Variants in LY75 observed in about 807,000 individuals in gnomAD.
The protein encoded by LY75 is lymphocyte antigen 75, also known as C-type lectin domain family 13 member B.
In LY75, 185 loss-of-function variants were observed where a neutral mutation model predicts 231.7. The ratio of observed to expected loss-of-function variants is 0.80; its 90% CI spans 0.71 to 0.90. The LOEUF (loss-of-function observed/expected upper bound fraction) is 0.90, where lower values mean the gene tolerates loss of function less well. Ranked by LOEUF, LY75 falls within the 40% of genes least tolerant of loss-of-function variation. LY75 has a pLI of 0.00. For missense variants in LY75, 1,947 were observed against 2,050.2 expected, an observed-to-expected ratio of 0.95 and a Z score of 0.97; for synonymous variants, 668 against 689.0, an observed-to-expected ratio of 0.97 and a Z score of 0.48.
At chr2:159,832,756 G>A (rs1203559047) in intron 27 of LY75, among the ~76,000 whole-genome samples, 1 of 152,048 alleles carries the variant, frequency 6.6e-6, no homozygotes, top group Non-Finnish European at 1.5e-5. Flanking sequence ...TTTCTTTTTT[G>A]TTGGTTATTT....
intron 28 of LY75, among the ~76,000 whole-genome samples, chr2:159,827,013 G>A (rs2955982): frequency 0.8 from 121,748 of 152,116 alleles, 48,895 homozygotes; most frequent in East Asian, 0.9. Context: ...ATCCTAGAAG[G>A]AAACCTGGGC....
At chr2:159,851,593 T>C (rs1282987492) in intron 21 of LY75, among the ~76,000 whole-genome samples, 1 of 152,226 alleles carries the variant, frequency 6.6e-6, no homozygotes, top group Non-Finnish European at 1.5e-5. Flanking sequence ...AGAATAAATC[T>C]TTTCTCATAC....
Position 159,885,236 on chromosome 2 carries a change from G to A in LY75, c.971C>T (p.Ser324Phe), listed in dbSNP as rs774007010. The A allele has an allele frequency of 3.7e-6, 6 of 1,613,718 alleles. No homozygotes were observed. Among genetic ancestry groups the A allele is most frequent in the Non-Finnish European group, 5.1e-6 (6 of 1,179,718 alleles). ...GSSCARMDAESGLWQSFSCEA... is the reference protein window; with the variant it reads ...GSSCARMDAEFGLWQSFSCEA... Reference sequence around the variant, plus strand: ...ACAGGAAAAGCTCTGCCACAGACCAGACTCAGCATCCATTCTTGCACAGCT... The same window carrying A: ...ACAGGAAAAGCTCTGCCACAGACCAAACTCAGCATCCATTCTTGCACAGCT... The change falls in exon 6 of 35, where the codon TCT becomes TTT. Residue 324 changes from serine (S) to phenylalanine (F), a missense_variant. Transcript: ENST00000263636.
chr2:159,835,682 T>C (rs372727391), intron 25 of LY75, 37 bp from the exon 26 acceptor site: 1 of 1,605,346 alleles, frequency 6.2e-7, no homozygotes, highest in African/African-American at 1.3e-5. Context: ...GTGGCAATAT[T>C]GATGTTAACC....
At chr2:159,831,861 T>C in intron 27 of LY75, 75 bp from the exon 28 acceptor site, 1 of 1,243,926 alleles carries the variant, frequency 8.0e-7, no homozygotes, top group South Asian at 1.5e-5. Flanking sequence ...GTTTAAAACA[T>C]TTTAGTTCTC....
Position 159,878,403 on chromosome 2 carries a change from A to C in LY75, c.1695T>G (p.Ser565=), listed in dbSNP as rs370766820. 4.3e-6 allele frequency: 7 copies of C among 1,614,008 alleles called. No individual in the cohort carries two copies. Among genetic ancestry groups the C allele is most frequent in the Non-Finnish European group, 5.1e-6 (6 of 1,180,012 alleles). Residue 565 remains serine, a synonymous_variant, in exon 11 of 35, where the codon TCT becomes TCG. Coordinates refer to ENST00000263636, the MANE Select transcript of LY75 (RefSeq NM_002349.4). The part of the protein sequence containing the change: ...YFWTGLRDVD[S]CGEYNWATVG... ...CAGTTGCCCAGTTATACTCTCCACA[A>C]GAATCTACATCTCTCAGGCCAGTCC...
At chr2:159,857,180 C>T (rs1391801065) in intron 16 of LY75, among the ~76,000 whole-genome samples, 1 of 152,186 alleles carries the variant, frequency 6.6e-6, no homozygotes, top group East Asian at 1.9e-4. Flanking sequence ...ATCAACACAA[C>T]TGTCTTTCCC....
Position 159,807,117 on chromosome 2 carries a change from C to T in LY75, c.4846G>A (p.Gly1616Arg), listed in dbSNP as rs1235724854. The T allele has an allele frequency of 3.1e-6, 5 of 1,612,924 alleles. No individual in the cohort carries two copies. In the African/African-American group the frequency reaches 6.7e-5, roughly 22 times the overall value. Residue 1616 changes from glycine to arginine, a missense_variant, in exon 34 of 35, where the codon GGA becomes AGA. By Grantham distance (125) the Gly-to-Arg change is moderately radical (BLOSUM62 -2). Coordinates refer to ENST00000263636, the MANE Select transcript of LY75 (RefSeq NM_002349.4). Reference sequence around the variant, plus strand: ...CATTTGACAAATGTCACTTCTGATCCATCTAACCAACTCCAAGACTGGTCT... The same window carrying T: ...CATTTGACAAATGTCACTTCTGATCTATCTAACCAACTCCAAGACTGGTCT... ...SVDQSWSWLD[G>R]SEVTFVKWEN... is the part of the protein sequence containing the mutation.
chr2:159,816,846 C>G lies in LY75; in HGVS notation c.4340G>C (p.Arg1447Pro). The G allele has an allele frequency of 1.2e-6, 2 of 1,614,168 alleles. No individual in the cohort carries two copies. Among genetic ancestry groups the G allele is most frequent in the Middle Eastern group, 1.6e-4 (1 of 6,062 alleles). Residue 1447 changes from arginine (R) to proline (P), a missense_variant, in exon 30 of 35, where the codon CGT (arginine) becomes CCT (proline). Transcript: ENST00000263636. Reference protein sequence around the residue: ...GQLFLEDIVKRDGFPLWVGLS... With the variant: ...GQLFLEDIVKPDGFPLWVGLS... ...CCCAACCCATAGTGGAAATCCATCA[C>G]GTTTTACAATATCTTCCAGAAAGAG... is the stretch of plus-strand genomic sequence containing the variant.
At position 159,853,352 on chromosome 2, in the gene LY75, GC is replaced by G; in HGVS notation, c.2664-1del. Reference sequence around the variant, plus strand: ...GAAAGCGGTGCCATGGATATCGTGAGCTAAAAGAAAATGACAGATTTGACAA... The same window carrying G: ...GAAAGCGGTGCCATGGATATCGTGAGTAAAAGAAAATGACAGATTTGACAA... On this transcript the variant is annotated splice_acceptor_variant, in intron 19 of 34. Transcript: ENST00000263636. LOFTEE classifies it high-confidence loss of function. 1 of 1,612,508 alleles carries G rather than the reference GC, an allele frequency of 6.2e-7. No homozygotes were observed. Among genetic ancestry groups the G allele is most frequent in the Non-Finnish European group, 8.5e-7 (1 of 1,178,874 alleles).
At chr2:159,843,277 T>A (rs2125848611) in intron 23 of LY75, among the ~76,000 whole-genome samples, 1 of 152,246 alleles carries the variant, frequency 6.6e-6, no homozygotes, top group South Asian at 2.1e-4. Context: ...CATCTGTTTT[T>A]GTAAAAATGT....
intron 28 of LY75, among the ~76,000 whole-genome samples, chr2:159,828,480 C>G (rs982958848): frequency 6.6e-6 from 1 of 152,032 alleles, no homozygotes; most frequent in Non-Finnish European, 1.5e-5. Context: ...ACTTAGATGG[C>G]TATAATGAAA....
At chr2:159,867,338 G>A (rs996761250) in intron 13 of LY75, among the ~76,000 whole-genome samples, 3 of 152,108 alleles carry the variant, frequency 2.0e-5, no homozygotes, top group Admixed American at 6.6e-5. Context: ...GTTTGGCCTA[G>A]TTTAGCTGTA....
chr2:159,864,509 T>C (rs528255702), intron 14 of LY75, among the ~76,000 whole-genome samples: 8 of 152,288 alleles, frequency 5.3e-5, no homozygotes, highest in African/African-American at 1.7e-4. Context: ...CCTTTTCTCA[T>C]TGTGTGCTCT....
intron 28 of LY75, among the ~76,000 whole-genome samples, chr2:159,826,036 A>G (rs988819244): frequency 1.3e-5 from 2 of 152,224 alleles, no homozygotes; most frequent in African/African-American, 4.8e-5. Flanking sequence ...TTCCCTTTGA[A>G]AACTGGCACA....
intron 8 of LY75, 29 bp downstream of exon 8, chr2:159,881,054 A>C: frequency 1.9e-6 from 3 of 1,603,976 alleles, no homozygotes; most frequent in Non-Finnish European, 2.6e-6. Flanking sequence ...AACAGGAAGA[A>C]TATAAAGAAA....
intron 27 of LY75, 71 bp downstream of exon 27, chr2:159,833,973 T>C (rs1262761615): frequency 2.8e-5 from 43 of 1,521,424 alleles, no homozygotes; most frequent in Non-Finnish European, 3.8e-5. Flanking sequence ...TAAACCTCTT[T>C]TTCTTTATAA....
chr2:159,812,033 T>C (rs1682975267), intron 31 of LY75, among the ~76,000 whole-genome samples: 1 of 152,230 alleles, frequency 6.6e-6, no homozygotes, highest in Admixed American at 6.5e-5. Context: ...ATATTGCTGA[T>C]TACTCATTGT....
intron 8 of LY75, among the ~76,000 whole-genome samples, chr2:159,880,420 G>A (rs932074026): frequency 1.7e-4 from 26 of 152,146 alleles, no homozygotes; most frequent in African/African-American, 6.3e-4. Context: ...TTGGAAGATG[G>A]GATTTTTCAG....
Sources: gnomAD v4.1 joint callset for allele counts (sites outside exome capture counted in the v4.1 genomes callset) on GRCh38, gnomAD v4.1.1 for gene constraint, MANE v1.5 for transcripts, NCBI Gene and HGNC (gene_info 2026-07-23, HGNC 2026-07-21) for gene names.